The following ZBTB49 variants were observed in gnomAD, a reference collection of about 807,000 sequenced individuals.
ZBTB49 encodes the protein zinc finger and BTB domain-containing protein 49.
Under a neutral mutation model 57.5 loss-of-function variants are expected in ZBTB49, and 43 were observed. The observed-to-expected ratio is 0.75, with a 90% CI of 0.59 to 0.97. The LOEUF is 0.97. Ranked by LOEUF, ZBTB49 falls within the 50% of genes least tolerant of loss-of-function variation. The pLI, the probability that ZBTB49 is intolerant of heterozygous loss-of-function variation, is 0.00. For missense variants in ZBTB49, 938 were observed against 947.7 expected (o/e 0.99, Z 0.13); for synonymous variants, 369 against 362.1 (o/e 1.02, Z -0.22).
intron 1 of ZBTB49, among the ~76,000 whole-genome samples, chr4:4,294,575 G>C (rs538458410): frequency 6.6e-6 from 1 of 152,070 alleles, no homozygotes; most frequent in African/African-American, 2.4e-5. Flanking sequence ...GACTGGTCTC[G>C]AACTCGTAGC....
chr4:4,315,056 G>A (rs1409612516), intron 5 of ZBTB49, among the ~76,000 whole-genome samples: 4 of 152,224 alleles, frequency 2.6e-5, no homozygotes, highest in African/African-American at 7.2e-5. Flanking sequence ...ATTCTCTGGG[G>A]ATATTCACAG....
At chr4:4,299,776 GGTGTGT>G (rs33911857) in intron 1 of ZBTB49, among the ~76,000 whole-genome samples, 145 bp from the exon 2 acceptor site, 2 of 103,636 alleles carry the variant, frequency 1.9e-5, no homozygotes, top group Non-Finnish European at 4.9e-5. Flanking sequence ...CAGAAACAGA[GGTGTGT>G]GTGTGTGTGT....
chr4:4,300,040 A>G lies in ZBTB49; in HGVS notation c.95A>G (p.Lys32Arg), dbSNP rs1385059095. Residue 32 changes from lysine to arginine, a missense_variant, in exon 2 of 8, where the codon AAA becomes AGA. Lys to Arg is a conservative substitution (Grantham distance 26, BLOSUM62 2). Coordinates refer to ENST00000337872, the MANE Select transcript of ZBTB49 (RefSeq NM_145291.4). ...CTTTGTGACTGTATGTTGGTGGTAAAAGGAGTCTGCTTTAAAGCGCATAAG... is the reference window on the plus strand; with the variant it reads ...CTTTGTGACTGTATGTTGGTGGTAAGAGGAGTCTGCTTTAAAGCGCATAAG... ...GLLCDCMLVV[K>R]GVCFKAHKNV... 11 of 1,614,064 alleles carry G rather than the reference A, an allele frequency of 6.8e-6. No homozygotes were observed. Among genetic ancestry groups the G allele is most frequent in the Non-Finnish European group, 9.3e-6 (11 of 1,180,042 alleles).
intron 1 of ZBTB49, 36 bp from the exon 2 acceptor site, chr4:4,299,891 A>G: frequency 3.8e-6 from 6 of 1,599,556 alleles, no homozygotes; most frequent in Non-Finnish European, 5.1e-6. Context: ...TGAGGTCCTT[A>G]AGAATATCTG....
intron 7 of ZBTB49, among the ~76,000 whole-genome samples, chr4:4,318,434 G>A (rs1339240314): frequency 6.6e-6 from 1 of 152,112 alleles, no homozygotes; most frequent in Non-Finnish European, 1.5e-5. Flanking sequence ...TGGCCGACAT[G>A]GCGAAACCCC....
Position 4,300,088 on chromosome 4 carries a change from A to G in ZBTB49, c.143A>G (p.Gln48Arg), listed in dbSNP as rs771105768. 1 of 1,614,134 alleles carries G rather than the reference A, an allele frequency of 6.2e-7. No homozygotes were observed. Among genetic ancestry groups the G allele is most frequent in the Non-Finnish European group, 8.5e-7 (1 of 1,179,990 alleles). Residue 48 changes from glutamine (Q) to arginine (R), a missense_variant, in exon 2 of 8, where the codon CAG becomes CGG. Coordinates refer to ENST00000337872, the MANE Select transcript of ZBTB49 (RefSeq NM_145291.4). The part of the protein sequence containing the change: ...AHKNVLAAFS[Q>R]YFRSLFQNSS... Reference sequence around the variant, plus strand: ...AAGAATGTCCTGGCAGCATTCAGCCAGTATTTTAGGTGGGTATTTTAGACT... The same window carrying G: ...AAGAATGTCCTGGCAGCATTCAGCCGGTATTTTAGGTGGGTATTTTAGACT...
rs780520748 is a variant in ZBTB49 at position 4,321,012 on chromosome 4, G to A, written c.1994G>A (p.Ser665Asn). 126 of 1,614,216 alleles carry A rather than the reference G, an allele frequency of 7.8e-5. No individual in the cohort carries two copies. The highest frequency in any genetic ancestry group is 1.6e-4 in the South Asian group (15 of 91,078). The change falls in exon 8 of 8, where the codon AGT becomes AAT. Residue 665 changes from serine (S) to asparagine (N), a missense_variant. Physicochemically the swap from Ser to Asn is conservative, Grantham distance 46 (BLOSUM62 1). Coordinates refer to ENST00000337872, the MANE Select transcript of ZBTB49 (RefSeq NM_145291.4). The stretch of plus-strand genomic sequence containing the variant: ...TCCATGATCCAACCTCATGGAGTTA[G>A]TGACCAGGAGAAGCTGAGTTTGGAT... ...LRSMIQPHGVSDQEKLSLDPG... is the reference protein window; with the variant it reads ...LRSMIQPHGVNDQEKLSLDPG...
intron 7 of ZBTB49, among the ~76,000 whole-genome samples, chr4:4,318,894 C>CTTTTTTTTTTTTTTTTTTTTATTTTT: frequency 7.6e-6 from 1 of 130,948 alleles, no homozygotes; most frequent in Non-Finnish European, 1.6e-5. Flanking sequence ...TTTTTTTAAT[C>CTTTTTTTTTTTTTTTTTTTTATTTTT]TTTTTTTTTT....
At chr4:4,306,449 G>A (rs181627668) in intron 4 of ZBTB49, among the ~76,000 whole-genome samples, 30 of 152,294 alleles carry the variant, frequency 2.0e-4, no homozygotes, top group Admixed American at 1.6e-3. Flanking sequence ...TATGTCTTCC[G>A]TTTCATGAAT....
At chr4:4,305,252 A>C (rs1577239001) in intron 3 of ZBTB49, among the ~76,000 whole-genome samples, 1 of 152,166 alleles carries the variant, frequency 6.6e-6, no homozygotes, top group East Asian at 1.9e-4. Context: ...ATGAGCCCAG[A>C]AAGCTAGCAA....
At chr4:4,318,706 A>G (rs1560117309) in intron 7 of ZBTB49, among the ~76,000 whole-genome samples, 1 of 152,196 alleles carries the variant, frequency 6.6e-6, no homozygotes, top group Admixed American at 6.5e-5. Context: ...CTTCTAATTC[A>G]CAAAATTCCG....
rs1278545647 is a variant in ZBTB49, at chr4:4,321,108, C to T, written c.2090C>T (p.Thr697Ile). Residue 697 changes from threonine to isoleucine, a missense_variant, in exon 8 of 8, where the codon ACC (threonine) becomes ATC (isoleucine). Around this residue, in one of 3 missense-constraint regions of ZBTB49, gnomAD observed 835 missense variants for 819.1 expected, o/e 1.02. Transcript: ENST00000337872. ...GCCTATGCTTACTCGGATGTGGACA[C>T]CCCAGCCGGTGGCGAACCACTGCAG... ...PQAYAYSDVDTPAGGEPLQAD... is the reference protein window; with the variant it reads ...PQAYAYSDVDIPAGGEPLQAD... 6 of 1,614,088 alleles carry T rather than the reference C, an allele frequency of 3.7e-6. No homozygotes were observed. The highest frequency in any genetic ancestry group is 1.7e-5 in the Admixed American group (1 of 60,008).
chr4:4,297,131 C>T (rs940478205), intron 1 of ZBTB49, among the ~76,000 whole-genome samples: 15 of 152,120 alleles, frequency 9.9e-5, no homozygotes, highest in East Asian at 5.8e-4. Flanking sequence ...AGTGCAATGG[C>T]GCGATCTCAG....
intron 5 of ZBTB49, 67 bp downstream of exon 5, chr4:4,313,181 G>A: frequency 6.3e-7 from 1 of 1,590,388 alleles, no homozygotes; most frequent in Non-Finnish European, 8.6e-7. Flanking sequence ...TTGGTAGTCA[G>A]TGTCTTCTGA....
intron 3 of ZBTB49, among the ~76,000 whole-genome samples, chr4:4,304,945 G>GTC (rs1720673978): frequency 2.3e-4 from 1 of 4,292 alleles, no homozygotes; most frequent in Non-Finnish European, 4.9e-4. Context: ...CAATTTTAAG[G>GTC]TGAAGGGGTC....
In ZBTB49 at chr4:4,313,098, G is replaced by A. The variant is rs1721043835; in HGVS notation, c.1360G>A (p.Glu454Lys). Residue 454 changes from glutamate to lysine, a missense_variant, in exon 5 of 8, where the codon GAG (glutamate) becomes AAG (lysine). Glu to Lys is a moderately conservative substitution (Grantham distance 56). This residue lies in a region of ZBTB49 where 835 missense variants were observed against 819.1 expected (regional missense o/e 1.02). Transcript: ENST00000337872. ...RHSGEKPYIC[E>K]ICGKRFAASG... The stretch of plus-strand genomic sequence containing the variant: ...TTCTGGTGAAAAACCATACATCTGC[G>A]AGATCTGTGGAAAGAGGTCAGTGCT... 3.7e-6 allele frequency: 6 copies of A among 1,614,134 alleles called. No homozygotes were observed. Among genetic ancestry groups the A allele is most frequent in the Middle Eastern group, 1.6e-4 (1 of 6,062 alleles).
In ZBTB49 at chr4:4,302,354, C is replaced by T. The variant is rs748772046; in HGVS notation, c.518C>T (p.Ser173Leu). 14 of 1,614,114 alleles carry T rather than the reference C, an allele frequency of 8.7e-6. No homozygotes were observed. Among genetic ancestry groups the T allele is most frequent in the Non-Finnish European group, 1.1e-5 (13 of 1,180,056 alleles). The change falls in exon 3 of 8, where the codon TCG (serine) becomes TTG (leucine). Residue 173 changes from serine (S) to leucine (L), a missense_variant. Transcript: ENST00000337872. ...CAGCAGAACAAAACGTTGGATGAAT[C>T]GCATCCGCATGCTTCACCATCAGTT... ...DAQQNKTLDE[S>L]HPHASPSVNR...
chr4:4,306,517 G>T (rs1202791557), intron 4 of ZBTB49, among the ~76,000 whole-genome samples: 3 of 152,190 alleles, frequency 2.0e-5, no homozygotes, highest in Non-Finnish European at 4.4e-5. Context: ...CATTGTGCTG[G>T]GTTAGGCTGA....
Position 4,321,092 on chromosome 4 carries a change from T to C in ZBTB49, c.2074T>C (p.Tyr692His). 6.2e-7 allele frequency: 1 copy of C among 1,614,166 alleles called. No homozygotes were observed. The highest frequency in any genetic ancestry group is 8.5e-7 in the Non-Finnish European group (1 of 1,180,028). The change falls in exon 8 of 8, where the codon TAC (tyrosine) becomes CAC (histidine). Residue 692 changes from tyrosine to histidine, a missense_variant. Coordinates refer to ENST00000337872, the MANE Select transcript of ZBTB49 (RefSeq NM_145291.4). ...MQQTQPQAYAYSDVDTPAGGE... is the reference protein window; with the variant it reads ...MQQTQPQAYAHSDVDTPAGGE... ...GCAGACACAGCCTCAGGCCTATGCT[T>C]ACTCGGATGTGGACACCCCAGCCGG...
Sources: gnomAD v4.1 joint callset for allele counts (sites outside exome capture counted in the v4.1 genomes callset) on GRCh38, gnomAD v4.1.1 for gene constraint, gnomAD v4.1.1 regional missense constraint, MANE v1.5 for transcripts, NCBI Gene and HGNC (gene_info 2026-07-23, HGNC 2026-07-21) for gene names.